The following ELP4 variants were observed in gnomAD, a reference collection of about 807,000 sequenced individuals.
ELP4 encodes the protein elongator complex protein 4.
A neutral mutation model predicts 48.9 loss-of-function variants in ELP4; 51 were observed. The observed-to-expected ratio is 1.04, with a 90% CI of 0.83 to 1.32. ELP4 has a LOEUF of 1.32. ELP4 is among the 40% of genes most tolerant of loss of function. The pLI is 0.00. For synonymous variants in ELP4, 210 were observed against 189.2 expected, an observed-to-expected ratio of 1.11 and a Z score of -0.90; for missense variants, 519 against 514.6, an observed-to-expected ratio of 1.01 and a Z score of -0.08.
chr11:31,523,076 C>T (rs1453291923), intron 2 of ELP4, among the ~76,000 whole-genome samples: 1 of 150,692 alleles, frequency 6.6e-6, no homozygotes, highest in African/African-American at 2.4e-5. Context: ...CCTTGTTATA[C>T]TGCCCAGGCT....
chr11:31,596,273 C>T (rs570827235), intron 4 of ELP4, among the ~76,000 whole-genome samples: 3 of 152,178 alleles, frequency 2.0e-5, no homozygotes, highest in South Asian at 2.1e-4. Flanking sequence ...GGCGTGGTGG[C>T]GGGCGCCTGT....
intron 9 of ELP4, among the ~76,000 whole-genome samples, chr11:31,672,622 T>C (rs1043397467): frequency 1.3e-5 from 2 of 152,002 alleles, no homozygotes; most frequent in African/African-American, 4.8e-5. Context: ...CAAAACCCCA[T>C]CTCTACAAAA....
At chr11:31,694,554 TGG>T (rs1490417410) in intron 9 of ELP4, among the ~76,000 whole-genome samples, 2 of 152,196 alleles carry the variant, frequency 1.3e-5, no homozygotes, top group Non-Finnish European at 2.9e-5. Flanking sequence ...CATGCTGTTT[TGG>T]TTACTGTAGC....
At chr11:31,665,719 A>G (rs1429017570) in intron 9 of ELP4, among the ~76,000 whole-genome samples, 2 of 136,464 alleles carry the variant, frequency 1.5e-5, no homozygotes, top group East Asian at 2.1e-4. Flanking sequence ...CAGTGGTGCA[A>G]TCATGGCTCA....
chr11:31,684,219 A>G (rs2227100), intron 9 of ELP4, among the ~76,000 whole-genome samples: 3,141 of 151,980 alleles, frequency 0.021, 104 homozygotes, highest in African/African-American at 0.072. Context: ...ATAATCTTAA[A>G]AAAAAAAACC....
intron 6 of ELP4, among the ~76,000 whole-genome samples, chr11:31,629,583 C>G (rs7937569): frequency 8.6e-5 from 13 of 151,670 alleles, no homozygotes; most frequent in African/African-American, 3.1e-4. Context: ...CTCTGTAGTT[C>G]TCCTAATTTC....
chr11:31,585,278 T>C (rs1342264309), intron 3 of ELP4, among the ~76,000 whole-genome samples: 3 of 152,120 alleles, frequency 2.0e-5, no homozygotes, highest in Non-Finnish European at 4.4e-5. Flanking sequence ...TTTAAACAAA[T>C]GTTTCACAAT....
At chr11:31,632,188 A>G (rs185566627) in intron 6 of ELP4, 29 bp from the exon 7 acceptor site, 14 of 1,571,304 alleles carry the variant, frequency 8.9e-6, no homozygotes, top group South Asian at 7.1e-5. Context: ...AAAACTTTAT[A>G]TGTTTGCTTT....
chr11:31,687,461 AG>A (rs1342029586), intron 9 of ELP4, among the ~76,000 whole-genome samples: 1 of 152,226 alleles, frequency 6.6e-6, no homozygotes, highest in Non-Finnish European at 1.5e-5. Flanking sequence ...GTTGACTCAT[AG>A]ATAGAGAAGT....
intron 9 of ELP4, among the ~76,000 whole-genome samples, chr11:31,747,400 C>T (rs1188634036): frequency 6.6e-6 from 1 of 151,876 alleles, no homozygotes; most frequent in Non-Finnish European, 1.5e-5. Flanking sequence ...ACTATAGAAC[C>T]ATAAAGTGTG....
chr11:31,664,612 C>A (rs1331930211), intron 9 of ELP4, among the ~76,000 whole-genome samples: 3 of 152,026 alleles, frequency 2.0e-5, no homozygotes, highest in Non-Finnish European at 4.4e-5. Context: ...AACCTGATTT[C>A]TTCCTGAGAA....
At chr11:31,584,497 A>C (rs938659431) in intron 3 of ELP4, among the ~76,000 whole-genome samples, 1 of 151,988 alleles carries the variant, frequency 6.6e-6, no homozygotes, top group African/African-American at 2.4e-5. Flanking sequence ...AAAATAATTT[A>C]TAATTTATAG....
chr11:31,750,580 T>C (rs1947698025), intron 9 of ELP4, among the ~76,000 whole-genome samples: 1 of 152,162 alleles, frequency 6.6e-6, no homozygotes. Context: ...GTACTGTTGC[T>C]CAGTTTACTT....
At chr11:31,540,463 T>C (rs1956574581) in intron 3 of ELP4, among the ~76,000 whole-genome samples, 1 of 152,190 alleles carries the variant, frequency 6.6e-6, no homozygotes, top group Admixed American at 6.5e-5. Context: ...TTTGCCATTT[T>C]TACTGCAAGC....
chr11:31,579,167 A>C (rs1957341120), intron 3 of ELP4, among the ~76,000 whole-genome samples: 1 of 152,256 alleles, frequency 6.6e-6, no homozygotes, highest in African/African-American at 2.4e-5. Flanking sequence ...TTATGCAGCC[A>C]ACAGACACAT....
At chr11:31,647,635 G>T (rs1219893210) in intron 7 of ELP4, 106 bp from the exon 8 acceptor site, 2 of 686,092 alleles carry the variant, frequency 2.9e-6, no homozygotes, top group Non-Finnish European at 5.1e-6. Flanking sequence ...ACTGTTGATA[G>T]TCTATCTCCA....
chr11:31,786,778 A>C lies in ELP4; in HGVS notation c.*3254A>C, dbSNP rs1428349487. The C allele has an allele frequency of 4.5e-6, 1 of 221,600 alleles. No individual in the cohort carries two copies. Among genetic ancestry groups the C allele is most frequent in the Non-Finnish European group, 9.0e-6 (1 of 110,708 alleles). The allele number at this position is 221,600 out of a possible 1,614,324, so 13.7% of individuals were successfully genotyped here. On this transcript the variant is annotated 3_prime_UTR_variant, in exon 10 of 10. Transcript: ENST00000640961. ...CATAGCTTTGGGGGAAAAATATTCT[A>C]GAAATTCATTGCAGTAAAATGCATT...
chr11:31,698,037 A>G (rs1276082529), intron 9 of ELP4, among the ~76,000 whole-genome samples: 1 of 152,198 alleles, frequency 6.6e-6, no homozygotes, highest in Non-Finnish European at 1.5e-5. Flanking sequence ...CTAAATGGTC[A>G]CATTTTTAAG....
chr11:31,743,457 C>T (rs1367997040), intron 9 of ELP4, among the ~76,000 whole-genome samples: 3 of 152,148 alleles, frequency 2.0e-5, no homozygotes, highest in Non-Finnish European at 4.4e-5. Flanking sequence ...CTTTTCAGCA[C>T]CACACCACAC....
Sources: gnomAD v4.1 joint callset for allele counts (sites outside exome capture counted in the v4.1 genomes callset) on GRCh38, gnomAD v4.1.1 for gene constraint, MANE v1.5 for transcripts, NCBI Gene and HGNC (gene_info 2026-07-23, HGNC 2026-07-21) for gene names.